The following FANCC variants were observed in gnomAD, a reference collection of about 807,000 sequenced individuals.
FANCC encodes the protein Fanconi anemia group C protein.
FANCC carries 55 observed loss-of-function variants against 71.3 expected under a neutral mutation model. That is an observed-to-expected ratio of 0.77 (90% CI 0.62 to 0.97). FANCC has a LOEUF of 0.97. Among genes scored for constraint, FANCC ranks in the 50% least tolerant of loss-of-function variants. The pLI, the probability that FANCC is intolerant of heterozygous loss-of-function variation, is 0.00. For missense variants in FANCC, 678 were observed against 670.9 expected, an observed-to-expected ratio of 1.01 and a Z score of -0.12; for synonymous variants, 275 against 244.9, an observed-to-expected ratio of 1.12 and a Z score of -1.15.
At chr9:95,155,720 CTCTT>C (rs1344115553) in intron 6 of FANCC, among the ~76,000 whole-genome samples, 1 of 151,852 alleles carries the variant, frequency 6.6e-6, no homozygotes, top group East Asian at 1.9e-4. Context: ...ATCTTCTTTT[CTCTT>C]TCTTTCTTTT....
intron 7 of FANCC, among the ~76,000 whole-genome samples, chr9:95,136,284 A>G (rs1827685234): frequency 1.3e-5 from 2 of 152,040 alleles, no homozygotes; most frequent in South Asian, 4.1e-4. Flanking sequence ...CTGTAATCCC[A>G]GCTACTTGGG....
intron 4 of FANCC, among the ~76,000 whole-genome samples, chr9:95,190,450 G>A (rs1038169512): frequency 4.6e-5 from 7 of 152,204 alleles, no homozygotes; most frequent in African/African-American, 1.7e-4. Context: ...TCCTGAGAAA[G>A]CTGTCTAAAC....
intron 14 of FANCC, among the ~76,000 whole-genome samples, chr9:95,103,882 G>T (rs997842254): frequency 6.6e-6 from 1 of 152,238 alleles, no homozygotes. Flanking sequence ...ATCTCCAAGA[G>T]GGTGCAAGGG....
At chr9:95,207,005 C>T (rs1209217420) in intron 4 of FANCC, among the ~76,000 whole-genome samples, 1 of 152,008 alleles carries the variant, frequency 6.6e-6, no homozygotes, top group African/African-American at 2.4e-5. Flanking sequence ...CCTGCTCCAC[C>T]CCCAGCCCCC....
chr9:95,209,994 A>T (rs1422912913), intron 4 of FANCC, among the ~76,000 whole-genome samples: 1 of 152,216 alleles, frequency 6.6e-6, no homozygotes, highest in Non-Finnish European at 1.5e-5. Flanking sequence ...CTGGAAATAA[A>T]CACACTCTAC....
intron 1 of FANCC, among the ~76,000 whole-genome samples, chr9:95,313,685 C>A (rs777962452): frequency 2.0e-5 from 3 of 152,110 alleles, no homozygotes; most frequent in Admixed American, 1.3e-4. Context: ...ACTAATATTA[C>A]CATGAACATA....
rs1171605381 is a variant in FANCC at position 95,135,267 on chromosome 9, C to T, written c.843+79G>A. 41 of 1,400,954 alleles carry T rather than the reference C, an allele frequency of 2.9e-5. No homozygotes were observed. In the East Asian group the frequency reaches 3.6e-4, roughly 12 times the overall value. The allele number at this position is 1,400,954 out of a possible 1,614,324, so 86.8% of individuals were successfully genotyped here. A position where few individuals can be genotyped will look rare whatever the true frequency, so the allele number is the denominator to read the frequency against. On this transcript the variant is annotated intron_variant, in intron 8 of 14. Coordinates refer to ENST00000289081, the MANE Select transcript of FANCC (RefSeq NM_000136.3). ...ATTGCTCTTTTGTTTACATCCCCCC[C>T]TTTCATTCTCTGACTAAAAGAAATG...
At chr9:95,194,861 A>G (rs1827328340) in intron 4 of FANCC, among the ~76,000 whole-genome samples, 1 of 152,040 alleles carries the variant, frequency 6.6e-6, no homozygotes, top group South Asian at 2.1e-4. Flanking sequence ...AACACAGTTG[A>G]TTTTTCTTTT....
At chr9:95,123,449 G>A (rs752370775) in intron 10 of FANCC, 7 of 460,118 alleles carry the variant, frequency 1.5e-5, no homozygotes, top group Admixed American at 7.0e-5. Flanking sequence ...AGACCAGCCC[G>A]GGCAACATGG....
Position 95,204,436 on chromosome 9 carries a change from C to T in FANCC, c.346-32289G>A, listed in dbSNP as rs1827992432. 2.0e-5 allele frequency among the ~76,000 whole-genome samples: 3 copies of T among 152,172 alleles called. 1 individual carries two copies. The highest frequency in any genetic ancestry group is 7.2e-5 in the African/African-American group (3 of 41,432). On this transcript the variant is annotated intron_variant, in intron 4 of 14. Coordinates refer to ENST00000289081, the MANE Select transcript of FANCC (RefSeq NM_000136.3). ...TGCTAAACTTCCACTGGGTCTCAGG[C>T]AGCCCACTTGGTGGGAACCACAACA...
At chr9:95,105,022 TAA>T (rs1276995765) in intron 14 of FANCC, among the ~76,000 whole-genome samples, 5 of 152,226 alleles carry the variant, frequency 3.3e-5, no homozygotes, top group African/African-American at 9.6e-5. Flanking sequence ...GTGCATTTTA[TAA>T]GAGTACACAA....
At chr9:95,268,017 T>C (rs552714034) in intron 1 of FANCC, among the ~76,000 whole-genome samples, 2 of 152,226 alleles carry the variant, frequency 1.3e-5, no homozygotes, top group Non-Finnish European at 2.9e-5. Flanking sequence ...CACTCGGACC[T>C]GGCTGGTAGC....
chr9:95,147,306 T>A (rs1829696109), intron 7 of FANCC, among the ~76,000 whole-genome samples: 1 of 152,020 alleles, frequency 6.6e-6, no homozygotes, highest in Non-Finnish European at 1.5e-5. Context: ...TCACCTGAGG[T>A]CGGGATTTCG....
At chr9:95,221,602 T>C (rs912675474) in intron 4 of FANCC, among the ~76,000 whole-genome samples, 1 of 152,166 alleles carries the variant, frequency 6.6e-6, no homozygotes, top group Non-Finnish European at 1.5e-5. Context: ...AAGCCACAAC[T>C]GAGTGGATAT....
chr9:95,258,586 C>T (rs992360394), intron 1 of FANCC, among the ~76,000 whole-genome samples: 1 of 152,176 alleles, frequency 6.6e-6, no homozygotes, highest in Non-Finnish European at 1.5e-5. Context: ...AAATATCATA[C>T]TAAATGGGCA....
chr9:95,224,272 C>A (rs1019107728), intron 4 of FANCC, among the ~76,000 whole-genome samples: 2 of 152,110 alleles, frequency 1.3e-5, no homozygotes, highest in Non-Finnish European at 2.9e-5. Flanking sequence ...CGAGAGTGAG[C>A]CTGCCTTTAA....
chr9:95,147,127 A>C (rs193256986), intron 7 of FANCC, among the ~76,000 whole-genome samples: 1 of 152,044 alleles, frequency 6.6e-6, no homozygotes, highest in Admixed American at 6.6e-5. Flanking sequence ...AGTAACATTT[A>C]TTTATGATGT....
At chr9:95,186,427 C>G (rs749266165) in intron 4 of FANCC, 6 of 152,234 alleles carry the variant, frequency 3.9e-5, no homozygotes, top group Admixed American at 3.9e-4. Context: ...CAAATCCCCT[C>G]GGCAGCAAAA....
intron 4 of FANCC, among the ~76,000 whole-genome samples, chr9:95,218,514 G>T (rs1006419007): frequency 6.6e-6 from 1 of 152,122 alleles, no homozygotes; most frequent in African/African-American, 2.4e-5. Flanking sequence ...CAAAGACACT[G>T]TAAGAAAACA....
Sources: gnomAD v4.1 joint callset for allele counts (sites outside exome capture counted in the v4.1 genomes callset) on GRCh38, gnomAD v4.1.1 for gene constraint, MANE v1.5 for transcripts, NCBI Gene and HGNC (gene_info 2026-07-23, HGNC 2026-07-21) for gene names.